MYG1: variants seen among roughly 807,000 people sequenced by gnomAD.
The protein encoded by MYG1 is UPF0160 protein MYG1, mitochondrial.
A neutral mutation model predicts 43.5 loss-of-function variants in MYG1; 36 were observed. The ratio of observed to expected loss-of-function variants is 0.83; its 90% CI spans 0.63 to 1.09. The LOEUF is 1.09. Among genes scored for constraint, MYG1 ranks in the 50% least tolerant of loss-of-function variants. The pLI is 0.00. For missense variants in MYG1, 529 were observed against 495.1 expected, an observed-to-expected ratio of 1.07 and a Z score of -0.65; for synonymous variants, 220 against 202.8, an observed-to-expected ratio of 1.08 and a Z score of -0.72.
At position 53,307,152 on chromosome 12, in the gene MYG1, T is replaced by C. The variant is rs758886940; in HGVS notation, c.*3T>C. On this transcript the variant is annotated 3_prime_UTR_variant, in exon 7 of 7. Coordinates refer to ENST00000267103, the MANE Select transcript of MYG1 (RefSeq NM_021640.4). The stretch of plus-strand genomic sequence containing the variant: ...CATACCTCCCACAAATCTCCTAGTC[T>C]AATAAAACCTTCCATCTCATACTGA... The C allele has an allele frequency of 5.4e-5, 87 of 1,603,692 alleles. No homozygotes were observed. The highest frequency in any genetic ancestry group is 7.2e-5 in the Non-Finnish European group (85 of 1,174,584).
intron 5 of MYG1, 105 bp from the exon 6 acceptor site, chr12:53,306,575 C>A: frequency 7.8e-7 from 1 of 1,280,652 alleles, no homozygotes; most frequent in Non-Finnish European, 1.1e-6. Context: ...AATTCCTGGG[C>A]TCAACTGATC....
In MYG1 at chr12:53,306,831, T is replaced by C; in HGVS notation, c.917T>C (p.Val306Ala). The C allele has an allele frequency of 6.2e-7, 1 of 1,613,972 alleles. No homozygotes were observed. Among genetic ancestry groups the C allele is most frequent in the South Asian group, 1.1e-5 (1 of 91,074 alleles). ...GCTGGACAGTGGCGAATACAGTGTG[T>C]GCCCAAGGAGCCCCACTCATTCCAA... is the stretch of plus-strand genomic sequence containing the variant. ...DQAGQWRIQC[V>A]PKEPHSFQSR... The change falls in exon 6 of 7, where the codon GTG becomes GCG. Residue 306 changes from valine to alanine, a missense_variant. Transcript: ENST00000267103.
chr12:53,304,288 T>TG (rs1389275653), intron 3 of MYG1, among the ~76,000 whole-genome samples: 4 of 151,798 alleles, frequency 2.6e-5, no homozygotes, highest in Non-Finnish European at 5.9e-5. Flanking sequence ...TTGTTGTTGT[T>TG]TTTTTTTGTT....
chr12:53,302,614 G>A (rs923582311), intron 2 of MYG1, among the ~76,000 whole-genome samples: 1 of 152,116 alleles, frequency 6.6e-6, no homozygotes, highest in Non-Finnish European at 1.5e-5. Flanking sequence ...TTTTTCTTTT[G>A]CCATTCACTT....
intron 2 of MYG1, among the ~76,000 whole-genome samples, chr12:53,300,496 C>T (rs1487990401): frequency 6.6e-6 from 1 of 152,204 alleles, no homozygotes; most frequent in Non-Finnish European, 1.5e-5. Flanking sequence ...ATCTCATCTC[C>T]TTCCTTAGCC....
intron 2 of MYG1, among the ~76,000 whole-genome samples, chr12:53,302,827 C>T (rs919066734): frequency 4.6e-5 from 7 of 152,114 alleles, no homozygotes; most frequent in Admixed American, 1.3e-4. Flanking sequence ...TCCCTTGTCT[C>T]GTCTAGTGAG....
At chr12:53,306,930 A>C in intron 6 of MYG1, 36 bp from the exon 7 acceptor site, 1 of 1,608,580 alleles carries the variant, frequency 6.2e-7, no homozygotes, top group East Asian at 2.2e-5. Flanking sequence ...AAGGCTGCCA[A>C]CTCTGACCCC....
Position 53,299,926 on chromosome 12 carries a change from A to G in MYG1, c.189A>G (p.Ala63=). The change falls in exon 1 of 7, where the codon GCA becomes GCG. Residue 63 remains alanine (A), a synonymous_variant. Coordinates refer to ENST00000267103, the MANE Select transcript of MYG1 (RefSeq NM_021640.4). The stretch of plus-strand genomic sequence containing the variant: ...ACTGCGACGAGGCACTGGCATGCGC[A>G]CTGCTTCGCCTCCTGCCGGAGTACC... The part of the protein sequence containing the change: ...TFHCDEALAC[A]LLRLLPEYRD... The G allele has an allele frequency of 1.9e-6, 3 of 1,614,174 alleles. No homozygotes were observed. Among genetic ancestry groups the G allele is most frequent in the Non-Finnish European group, 2.5e-6 (3 of 1,180,026 alleles).
intron 3 of MYG1, among the ~76,000 whole-genome samples, chr12:53,305,257 C>T (rs1381586535): frequency 6.6e-6 from 1 of 152,124 alleles, no homozygotes; most frequent in African/African-American, 2.4e-5. Context: ...CTGAGAGTAG[C>T]ACTTTTCTAC....
At chr12:53,301,829 C>T (rs1944234780) in intron 2 of MYG1, among the ~76,000 whole-genome samples, 1 of 152,066 alleles carries the variant, frequency 6.6e-6, no homozygotes, top group Non-Finnish European at 1.5e-5. Context: ...GCTGAGACTA[C>T]AGGCGCCCAG....
At chr12:53,302,912 C>G (rs763495570) in intron 2 of MYG1, 122 bp from the exon 3 acceptor site, 3 of 1,204,228 alleles carry the variant, frequency 2.5e-6, no homozygotes, top group Non-Finnish European at 3.5e-6. Flanking sequence ...GGTTTTTTAT[C>G]CTTAATGTCT....
rs374635731 is a variant in MYG1, at chr12:53,306,991, G to C, written c.973G>C (p.Gly325Arg). ...GCTGCCCCTGCCAGAGCCATGGCGG[G>C]GTCTTCGGGACGAGGCCCTGGACCA... Reference protein sequence around the residue: ...SRLPLPEPWRGLRDEALDQVS... With the variant: ...SRLPLPEPWRRLRDEALDQVS... Residue 325 changes from glycine to arginine, a missense_variant, in exon 7 of 7, where the codon GGT becomes CGT. Coordinates refer to ENST00000267103, the MANE Select transcript of MYG1 (RefSeq NM_021640.4). 1.2e-6 allele frequency: 2 copies of C among 1,613,950 alleles called. No homozygotes were observed. The highest frequency in any genetic ancestry group is 2.7e-5 in the African/African-American group (2 of 74,946).
chr12:53,306,653 CT>C (rs1944285598), intron 5 of MYG1, 26 bp from the exon 6 acceptor site: 1 of 1,600,058 alleles, frequency 6.2e-7, no homozygotes, highest in Admixed American at 1.7e-5. Context: ...TACCTTAAAC[CT>C]TCTAGCTATG....
intron 2 of MYG1, among the ~76,000 whole-genome samples, chr12:53,301,389 G>A (rs1047756611): frequency 1.3e-5 from 2 of 152,182 alleles, no homozygotes; most frequent in Non-Finnish European, 2.9e-5. Context: ...GAGGGATTAT[G>A]ATGTTTTAAG....
Position 53,303,121 on chromosome 12 carries a change from C to G in MYG1, c.417C>G (p.Phe139Leu), listed in dbSNP as rs760816026. The change falls in exon 3 of 7, where the codon TTC becomes TTG. Residue 139 changes from phenylalanine (F) to leucine (L), a missense_variant. Transcript: ENST00000267103. ...LSSAGLIYLH[F>L]GHKLLAQLLG... The stretch of plus-strand genomic sequence containing the variant: ...GTGCGGGACTCATCTATCTGCACTT[C>G]GGGCACAAGCTGCTGGCCCAGTTGC... 6.2e-7 allele frequency: 1 copy of G among 1,614,194 alleles called. No homozygotes were observed.
chr12:53,306,081 A>G, intron 4 of MYG1, 21 bp downstream of exon 4: 3 of 1,610,300 alleles, frequency 1.9e-6, no homozygotes, highest in Non-Finnish European at 2.5e-6. Flanking sequence ...CTGGGAGGAG[A>G]CCCGGAGACC....
Position 53,299,720 on chromosome 12 carries a change from C to G in MYG1, c.-18C>G, listed in dbSNP as rs1440295064. ...CTCTTCCGGGTCGGCGCTCCTGCCTCCCTGCAGGGAGCTGCTTATGGGACA... is the reference window on the plus strand; with the variant it reads ...CTCTTCCGGGTCGGCGCTCCTGCCTGCCTGCAGGGAGCTGCTTATGGGACA... On this transcript the variant is annotated 5_prime_UTR_variant, in exon 1 of 7. Transcript: ENST00000267103. 1.9e-6 allele frequency: 3 copies of G among 1,602,896 alleles called. No individual in the cohort carries two copies. Among genetic ancestry groups the G allele is most frequent in the Non-Finnish European group, 2.6e-6 (3 of 1,174,588 alleles).
At position 53,299,805 on chromosome 12, in the gene MYG1, ACCGCATGCT is replaced by A; in HGVS notation, c.70_78del (p.Arg24_Leu26del). On this transcript the variant is annotated inframe_deletion, in exon 1 of 7. Transcript: ENST00000267103. ...CCGCCGCCACCCCTGTATACCCGGC[ACCGCATGCT>A]CGGTCCAGAGTCCGTCCCGCCCCCA... 1 of 1,614,014 alleles carries A rather than the reference ACCGCATGCT, an allele frequency of 6.2e-7. No homozygotes were observed. Among genetic ancestry groups the A allele is most frequent in the South Asian group, 1.1e-5 (1 of 91,080 alleles).
intron 3 of MYG1, 40 bp from the exon 4 acceptor site, chr12:53,305,868 G>C (rs1415520283): frequency 6.5e-7 from 1 of 1,547,574 alleles, no homozygotes; most frequent in South Asian, 1.2e-5. Flanking sequence ...CACATAAGTA[G>C]CAGGTAGCCT....
Sources: allele counts gnomAD v4.1 joint callset (sites outside exome capture counted in the v4.1 genomes callset), GRCh38; gene constraint gnomAD v4.1.1; transcripts MANE v1.5; gene names NCBI Gene and HGNC (gene_info 2026-07-23, HGNC 2026-07-21).